The following CRYBA4 variants were observed in gnomAD, a reference collection of about 807,000 sequenced individuals.
CRYBA4 encodes the protein crystallin beta A4, also known as beta-crystallin A4.
CRYBA4 carries 30 observed loss-of-function variants against 31.7 expected under a neutral mutation model. The ratio of observed to expected loss-of-function variants is 0.95; its 90% CI spans 0.71 to 1.28. The LOEUF is 1.28. Ranked by LOEUF, CRYBA4 falls within the 50% of genes most tolerant of loss-of-function variation. The probability of loss-of-function intolerance (pLI) is 0.00; values close to 1 mark genes in which losing one functional copy is unlikely to be tolerated. For missense variants in CRYBA4, 225 were observed against 260.7 expected (o/e 0.86, Z 0.94); for synonymous variants, 102 against 102.3 (o/e 1.00, Z 0.02).
upstream of CRYBA4, among the ~76,000 whole-genome samples, chr22:26,620,739 T>C (rs550325083): frequency 7.0e-4 from 107 of 152,092 alleles, no homozygotes; most frequent in African/African-American, 2.5e-3. Context: ...ATTTTTGTGT[T>C]TTTAGTAGAG....
the CRYBA4 span, among the ~76,000 whole-genome samples, chr22:26,610,092 A>G: frequency 2.0e-5 from 3 of 152,160 alleles, no homozygotes; most frequent in Non-Finnish European, 4.4e-5. Context: ...CTTCAGCAGG[A>G]CCAGTGAGGA....
chr22:26,623,857 C>T (rs145294384), intron 3 of CRYBA4, among the ~76,000 whole-genome samples: 142 of 151,982 alleles, frequency 9.3e-4, no homozygotes, highest in African/African-American at 3.3e-3. Flanking sequence ...AATAACACAC[C>T]AAGACTTTCT....
At chr22:26,615,798 G>C in the CRYBA4 span, among the ~76,000 whole-genome samples, 5 of 152,198 alleles carry the variant, frequency 3.3e-5, no homozygotes, top group Admixed American at 6.5e-5. Context: ...ACAGGCATGA[G>C]CCACTGCGCC....
the CRYBA4 span, among the ~76,000 whole-genome samples, chr22:26,593,220 T>TTTTATCAAAAGCAGGAAGAATA: frequency 6.6e-6 from 1 of 151,988 alleles, no homozygotes; most frequent in Admixed American, 6.6e-5. Flanking sequence ...ACTTAAGAGG[T>TTTTATCAAAAGCAGGAAGAATA]TTTATCAAAA....
intron 4 of CRYBA4, among the ~76,000 whole-genome samples, chr22:26,626,851 A>G (rs1929716851): frequency 6.6e-6 from 1 of 152,194 alleles, no homozygotes; most frequent in Non-Finnish European, 1.5e-5. Flanking sequence ...TATAATCTAT[A>G]TATCTTATCT....
At chr22:26,625,426 G>C (rs1602339997) in intron 3 of CRYBA4, 55 bp from the exon 4 acceptor site, 2 of 1,601,462 alleles carry the variant, frequency 1.2e-6, no homozygotes, top group East Asian at 4.5e-5. Context: ...TGCTGGTCTA[G>C]AATGCAGGGT....
the CRYBA4 span, among the ~76,000 whole-genome samples, chr22:26,614,763 T>G: frequency 6.6e-6 from 1 of 152,116 alleles, no homozygotes; most frequent in Non-Finnish European, 1.5e-5. Flanking sequence ...AGGCGGAGGC[T>G]AGGAGTTCGA....
At chr22:26,593,040 C>T in the CRYBA4 span, among the ~76,000 whole-genome samples, 3 of 152,112 alleles carry the variant, frequency 2.0e-5, no homozygotes, top group Non-Finnish European at 2.9e-5. Flanking sequence ...CTCAGGACAT[C>T]GTGGTGGACC....
the CRYBA4 span, among the ~76,000 whole-genome samples, chr22:26,591,496 A>C: frequency 6.7e-6 from 1 of 148,878 alleles, no homozygotes. Context: ...CAATCCCAGC[A>C]CTTTGGGAGG....
the CRYBA4 span, among the ~76,000 whole-genome samples, chr22:26,597,667 A>G: frequency 2.0e-5 from 3 of 152,192 alleles, no homozygotes; most frequent in Non-Finnish European, 2.9e-5. Flanking sequence ...GATTAATAAC[A>G]TCAATCAATA....
the CRYBA4 span, among the ~76,000 whole-genome samples, chr22:26,603,979 G>A: frequency 3.9e-5 from 6 of 152,184 alleles, no homozygotes; most frequent in East Asian, 3.9e-4. Context: ...ACATGATTCA[G>A]TTCTGGCTTG....
chr22:26,602,424 A>C, the CRYBA4 span, among the ~76,000 whole-genome samples: 3 of 151,982 alleles, frequency 2.0e-5, no homozygotes, highest in East Asian at 5.8e-4. Context: ...TCTCTCAAAA[A>C]AATAATTTTT....
chr22:26,624,457 T>C (rs903522340), intron 3 of CRYBA4, among the ~76,000 whole-genome samples: 4 of 152,168 alleles, frequency 2.6e-5, no homozygotes, highest in Admixed American at 6.5e-5. Context: ...CCATATTGGA[T>C]AGAAGGTTGT....
rs1275395669 is a variant in CRYBA4 at position 26,625,516 on chromosome 22, A to G, written c.194A>G (p.Gln65Arg). 1.2e-6 allele frequency: 2 copies of G among 1,614,042 alleles called. No homozygotes were observed. The change falls in exon 4 of 6, where the codon CAG (glutamine) becomes CGG (arginine). Residue 65 changes from glutamine to arginine, a missense_variant. By Grantham distance (43) the Gln-to-Arg change is conservative. Transcript: ENST00000354760. ...TTTGAGCATGCTGGCTTCCAAGGGC[A>G]GCAGTACATTCTGGAACGAGGCGAA... is the stretch of plus-strand genomic sequence containing the variant. The part of the protein sequence containing the change: ...VGFEHAGFQG[Q>R]QYILERGEYP...
the CRYBA4 span, among the ~76,000 whole-genome samples, chr22:26,598,980 C>T: frequency 6.6e-6 from 1 of 152,082 alleles, no homozygotes; most frequent in African/African-American, 2.4e-5. Flanking sequence ...AATCACTTCC[C>T]CTCTCTGAAC....
At chr22:26,590,435 TAAGAA>T in the CRYBA4 span, among the ~76,000 whole-genome samples, 1 of 152,044 alleles carries the variant, frequency 6.6e-6, no homozygotes, top group Non-Finnish European at 1.5e-5. Context: ...AAAAGTGGTG[TAAGAA>T]AAGAAAAGTA....
the CRYBA4 span, among the ~76,000 whole-genome samples, chr22:26,609,197 G>A: frequency 6.6e-6 from 1 of 152,202 alleles, no homozygotes; most frequent in Non-Finnish European, 1.5e-5. Context: ...AAGGAGACAA[G>A]GATGATGGGC....
At position 26,623,252 on chromosome 22, in the gene CRYBA4, G is replaced by A. The variant is rs1929594236; in HGVS notation, c.58G>A (p.Asp20Asn). The A allele has an allele frequency of 6.2e-7, 1 of 1,613,610 alleles. No homozygotes were observed. Residue 20 changes from aspartate (D) to asparagine (N), a missense_variant, in exon 3 of 6, where the codon GAC becomes AAC. Asp to Asn is a conservative substitution (Grantham distance 23). Coordinates refer to ENST00000354760, the MANE Select transcript of CRYBA4 (RefSeq NM_001886.3). ...GPWKMVVWDEDGFQGRRHEFT... is the reference protein window; with the variant it reads ...GPWKMVVWDENGFQGRRHEFT... The stretch of plus-strand genomic sequence containing the variant: ...GGCACAGATGGTGGTGTGGGATGAG[G>A]ACGGCTTCCAGGGCCGGCGGCACGA...
At chr22:26,624,154 T>C (rs1602339109) in intron 3 of CRYBA4, among the ~76,000 whole-genome samples, 1 of 151,774 alleles carries the variant, frequency 6.6e-6, no homozygotes, top group Non-Finnish European at 1.5e-5. Context: ...TCTAGAAGTT[T>C]GGAAAGTAGT....
Sources: gnomAD v4.1 joint callset for allele counts (sites outside exome capture counted in the v4.1 genomes callset) on GRCh38, gnomAD v4.1.1 for gene constraint, MANE v1.5 for transcripts, NCBI Gene and HGNC (gene_info 2026-07-23, HGNC 2026-07-21) for gene names.